The following ROBO1 variants were observed in gnomAD, a reference collection of about 807,000 sequenced individuals.
ROBO1 encodes the protein roundabout guidance receptor 1.
Under a neutral mutation model 195.9 loss-of-function variants are expected in ROBO1, and 149 were observed. The ratio of observed to expected loss-of-function variants is 0.76; its 90% CI spans 0.67 to 0.87. The LOEUF (loss-of-function observed/expected upper bound fraction) is 0.87, where lower values mean the gene tolerates loss of function less well. Among genes scored for constraint, ROBO1 ranks in the 40% least tolerant of loss-of-function variants. The pLI is 0.00. For missense variants in ROBO1, 1,933 were observed against 2,068.3 expected (o/e 0.93, Z 1.27); for synonymous variants, 816 against 733.2 (o/e 1.11, Z -1.82).
intron 2 of ROBO1, among the ~76,000 whole-genome samples, chr3:79,394,170 C>G (rs991910207): frequency 1.3e-5 from 2 of 151,628 alleles, no homozygotes; most frequent in African/African-American, 4.8e-5. Flanking sequence ...AAAACTGGCA[C>G]ATAAGAGAAA....
chr3:79,400,268 A>G (rs2037316124), intron 2 of ROBO1, among the ~76,000 whole-genome samples: 1 of 152,036 alleles, frequency 6.6e-6, no homozygotes, highest in African/African-American at 2.4e-5. Flanking sequence ...TCCATAAAAG[A>G]TACATATATA....
chr3:78,938,514 C>A, intron 4 of ROBO1, 87 bp downstream of exon 4: 2 of 1,169,614 alleles, frequency 1.7e-6, no homozygotes, highest in Admixed American at 2.6e-5. Context: ...GCCTGAGATA[C>A]AAATTCGACT....
intron 2 of ROBO1, among the ~76,000 whole-genome samples, chr3:79,510,839 C>G (rs1940666753): frequency 6.6e-6 from 1 of 152,156 alleles, no homozygotes; most frequent in African/African-American, 2.4e-5. Context: ...CTCATTCCAA[C>G]ACTTCCTAGA....
chr3:79,667,384 C>A (rs2106874540), intron 1 of ROBO1, among the ~76,000 whole-genome samples: 1 of 151,680 alleles, frequency 6.6e-6, no homozygotes, highest in African/African-American at 2.4e-5. Context: ...AGTAATTGTT[C>A]TTTGTATTTA....
chr3:78,977,731 T>TGTCA (rs1314361487), intron 3 of ROBO1, among the ~76,000 whole-genome samples: 2 of 151,968 alleles, frequency 1.3e-5, no homozygotes, highest in Non-Finnish European at 2.9e-5. Context: ...ACAATGTTAG[T>TGTCA]GTCACACATT....
chr3:78,735,830 T>C (rs1405853489), intron 5 of ROBO1, among the ~76,000 whole-genome samples: 1 of 152,170 alleles, frequency 6.6e-6, no homozygotes, highest in African/African-American at 2.4e-5. Context: ...TGATCAGATC[T>C]AGTCTGTCAG....
chr3:79,039,137 T>A (rs1430685830), intron 3 of ROBO1, among the ~76,000 whole-genome samples: 1 of 152,232 alleles, frequency 6.6e-6, no homozygotes, highest in Admixed American at 6.5e-5. Flanking sequence ...ATGTTCTATA[T>A]CTTTCGGTAA....
chr3:79,109,738 G>T lies in ROBO1; in HGVS notation c.172+15718C>A, dbSNP rs578041942. 8.5e-5 allele frequency among the ~76,000 whole-genome samples: 13 copies of T among 152,178 alleles called. No homozygotes were observed. In the South Asian group the frequency reaches 2.5e-3, roughly 29 times the overall value. On this transcript the variant is annotated intron_variant, in intron 3 of 30. Transcript: ENST00000464233. ...TTAAAATTGACTAGGAGGCTACTGA[G>T]ACGTCAATCTTTAAAATTGATTTTG...
chr3:78,845,563 GAA>G (rs1559917439), intron 4 of ROBO1, among the ~76,000 whole-genome samples: 1 of 152,018 alleles, frequency 6.6e-6, no homozygotes, highest in Non-Finnish European at 1.5e-5. Flanking sequence ...TTACTGGAAA[GAA>G]ATTGAATAAA....
intron 5 of ROBO1, among the ~76,000 whole-genome samples, chr3:78,733,985 T>C (rs1223791021): frequency 1.3e-5 from 2 of 152,242 alleles, no homozygotes; most frequent in African/African-American, 2.4e-5. Flanking sequence ...TGTGTTCATT[T>C]TGTATCATTT....
chr3:79,474,743 A>G (rs1040162493), intron 2 of ROBO1, among the ~76,000 whole-genome samples: 1 of 152,120 alleles, frequency 6.6e-6, no homozygotes, highest in Non-Finnish European at 1.5e-5. Flanking sequence ...TTGAAGATTT[A>G]GAATATATAA....
chr3:78,990,630 T>C (rs1034390034), intron 3 of ROBO1, among the ~76,000 whole-genome samples: 2 of 152,170 alleles, frequency 1.3e-5, no homozygotes, highest in African/African-American at 4.8e-5. Context: ...AATCTACGTT[T>C]AGTTCACTCT....
At chr3:79,674,837 TGTG>T (rs762664287) in intron 1 of ROBO1, among the ~76,000 whole-genome samples, 3,492 of 150,970 alleles carry the variant, frequency 0.023, 139 homozygotes, top group African/African-American at 0.078. Context: ...CGTGTGTGTG[TGTG>T]TGTGTGTGTG....
At chr3:78,985,859 T>C (rs1024335840) in intron 3 of ROBO1, among the ~76,000 whole-genome samples, 2 of 152,118 alleles carry the variant, frequency 1.3e-5, no homozygotes, top group Non-Finnish European at 2.9e-5. Flanking sequence ...TGCTAAAGTA[T>C]CATGGAAATT....
intron 3 of ROBO1, among the ~76,000 whole-genome samples, chr3:78,953,528 C>T (rs2040894982): frequency 1.3e-5 from 2 of 151,930 alleles, no homozygotes; most frequent in South Asian, 4.2e-4. Flanking sequence ...ATCTTAACAG[C>T]CTGAAGTCTA....
rs375271433 is a variant in ROBO1, at chr3:79,557,020, G to GT, written c.88+32803dup. Among the ~76,000 whole-genome samples the GT allele has an allele frequency of 4.8e-3, 647 of 135,724 alleles. 2 individuals carry two copies. Among genetic ancestry groups the GT allele is most frequent in the African/African-American group, 0.013 (483 of 37,476 alleles). 89.0% of individuals were successfully genotyped at this position (135,724 alleles called of 152,430 possible). On this transcript the variant is annotated intron_variant, in intron 2 of 30. Coordinates refer to ENST00000464233, the MANE Select transcript of ROBO1 (RefSeq NM_002941.4). Reference sequence around the variant, plus strand: ...TATACTCTGAATTCCTTTTTTTGTTGTTTTTTTTTTTTATTTTTGTGGCAG... The same window carrying GT: ...TATACTCTGAATTCCTTTTTTTGTTGTTTTTTTTTTTTTATTTTTGTGGCAG...
chr3:78,875,698 C>T (rs1277060344), intron 4 of ROBO1, among the ~76,000 whole-genome samples: 1 of 152,018 alleles, frequency 6.6e-6, no homozygotes. Flanking sequence ...AACATCAGAA[C>T]ATTCATTCAA....
chr3:78,811,544 A>G (rs974282026), intron 4 of ROBO1, among the ~76,000 whole-genome samples: 1 of 152,018 alleles, frequency 6.6e-6, no homozygotes, highest in East Asian at 1.9e-4. Flanking sequence ...ATATCTCTCA[A>G]TTGCCCTGAA....
rs746477619 is a variant in ROBO1 at position 78,938,857 on chromosome 3, T to C, written c.243A>G (p.Lys81=). 1.2e-6 allele frequency: 2 copies of C among 1,614,036 alleles called. No homozygotes were observed. Among genetic ancestry groups the C allele is most frequent in the South Asian group, 2.2e-5 (2 of 91,090 alleles). ...TGCAGTTCAAAGTTGCAGGTTCTCC[T>C]TTTGAGACAATCAGGTCTGAAGGGT... ...VEHPSDLIVS[K]GEPATLNCKA... Residue 81 remains lysine (K), a synonymous_variant, in exon 4 of 31, where the codon AAA becomes AAG. Coordinates refer to ENST00000464233, the MANE Select transcript of ROBO1 (RefSeq NM_002941.4).
Sources: allele counts gnomAD v4.1 joint callset (sites outside exome capture counted in the v4.1 genomes callset), GRCh38; gene constraint gnomAD v4.1.1; transcripts MANE v1.5; gene names NCBI Gene and HGNC (gene_info 2026-07-23, HGNC 2026-07-21).